The following GRM8 variants were observed in gnomAD, a reference collection of about 807,000 sequenced individuals.
GRM8 encodes metabotropic glutamate receptor 8.
GRM8 carries 47 observed loss-of-function variants against 87.2 expected under a neutral mutation model. That is an observed-to-expected ratio of 0.54 (90% CI 0.43 to 0.69). The LOEUF (loss-of-function observed/expected upper bound fraction) is 0.69. Ranked by LOEUF, GRM8 falls within the 30% of genes least tolerant of loss-of-function variation. GRM8 has a pLI of 0.00. For missense variants in GRM8, 1,019 were observed against 1,139.2 expected (o/e 0.89, Z 1.52); for synonymous variants, 396 against 404.5 (o/e 0.98, Z 0.25).
intron 2 of GRM8, among the ~76,000 whole-genome samples, chr7:127,202,910 C>T (rs1330603545): frequency 6.6e-6 from 1 of 152,212 alleles, no homozygotes; most frequent in East Asian, 1.9e-4. Context: ...CAAGAATCCT[C>T]ATCTTCCGAA....
chr7:127,047,727 C>T (rs1276809240), intron 3 of GRM8, among the ~76,000 whole-genome samples: 5 of 152,066 alleles, frequency 3.3e-5, no homozygotes, highest in Admixed American at 2.0e-4. Context: ...GCTACTGGAG[C>T]AGCTGAGGTA....
intron 9 of GRM8, among the ~76,000 whole-genome samples, chr7:126,508,333 T>C (rs981185081): frequency 7.9e-5 from 12 of 152,000 alleles, no homozygotes; most frequent in Admixed American, 7.9e-4. Context: ...AAAGAGCTGT[T>C]ATCTTGTAAA....
chr7:126,778,962 G>A (rs1037185208), intron 6 of GRM8, among the ~76,000 whole-genome samples: 5 of 151,932 alleles, frequency 3.3e-5, no homozygotes. Flanking sequence ...TTTGTATATT[G>A]GTGTGGCGTC....
At chr7:126,632,432 TG>T (rs34242830) in intron 7 of GRM8, among the ~76,000 whole-genome samples, 1 of 152,188 alleles carries the variant, frequency 6.6e-6, no homozygotes. Context: ...ACACTGTTGG[TG>T]GGAATGTAAA....
At chr7:126,947,184 C>G (rs536636181) in intron 3 of GRM8, among the ~76,000 whole-genome samples, 1 of 152,306 alleles carries the variant, frequency 6.6e-6, no homozygotes, top group South Asian at 2.1e-4. Flanking sequence ...AGACAACAAA[C>G]AACAAATTGT....
intron 8 of GRM8, among the ~76,000 whole-genome samples, chr7:126,599,429 A>G (rs1466027809): frequency 6.6e-6 from 1 of 152,114 alleles, no homozygotes; most frequent in East Asian, 1.9e-4. Context: ...GGCCTTGTAA[A>G]GATAACAGTG....
At chr7:126,452,841 C>T (rs900022858) in intron 9 of GRM8, among the ~76,000 whole-genome samples, 2 of 151,798 alleles carry the variant, frequency 1.3e-5, no homozygotes, top group East Asian at 2.0e-4. Context: ...CAGGCACTCA[C>T]ATTACTTCTA....
At chr7:127,187,924 C>T (rs372803809) in intron 2 of GRM8, among the ~76,000 whole-genome samples, 4 of 152,320 alleles carry the variant, frequency 2.6e-5, no homozygotes, top group South Asian at 4.1e-4. Flanking sequence ...TATCTCTGAT[C>T]TCATTATTCC....
chr7:127,096,453 G>A lies in GRM8; in HGVS notation c.727+10043C>T, dbSNP rs900951062. Among the ~76,000 whole-genome samples, 14 of 151,914 alleles carry A rather than the reference G, an allele frequency of 9.2e-5. No individual in the cohort carries two copies. The East Asian group carries it at 9.7e-4, about 11-fold the overall frequency. ...CATGCACCTGTAATTCCAGCTACTCGGGAGACTGAGGTAGGAGAATCGCTT... is the reference window on the plus strand; with the variant it reads ...CATGCACCTGTAATTCCAGCTACTCAGGAGACTGAGGTAGGAGAATCGCTT... On this transcript the variant is annotated intron_variant, in intron 3 of 10. Coordinates refer to ENST00000339582, the MANE Select transcript of GRM8 (RefSeq NM_000845.3).
At chr7:127,000,585 G>A (rs966058502) in intron 3 of GRM8, among the ~76,000 whole-genome samples, 6 of 151,438 alleles carry the variant, frequency 4.0e-5, no homozygotes, top group South Asian at 4.1e-4. Context: ...GGTGGCATAC[G>A]CCAGATGCAA....
chr7:126,719,885 G>C lies in GRM8; in HGVS notation c.1357+49980C>G, dbSNP rs149274708. On this transcript the variant is annotated intron_variant, in intron 7 of 10. Coordinates refer to ENST00000339582, the MANE Select transcript of GRM8 (RefSeq NM_000845.3). ...AAAAAAGAAATACAAGGTATTTACT[G>C]ATTTCTATAGCAAGTTCTATATTTT... is the stretch of plus-strand genomic sequence containing the variant. 2.1e-5 allele frequency among the ~76,000 whole-genome samples: 3 copies of C among 142,512 alleles called. No homozygotes were observed. The East Asian group carries it at 6.3e-4, about 30-fold the overall frequency. The allele number at this position is 142,512 out of a possible 152,430, so 93.5% of individuals were successfully genotyped here.
At chr7:127,079,865 C>T (rs754685632) in intron 3 of GRM8, among the ~76,000 whole-genome samples, 20 of 152,248 alleles carry the variant, frequency 1.3e-4, no homozygotes, top group South Asian at 4.2e-4. Flanking sequence ...CCCAAACCTC[C>T]GTCCCCATCC....
At chr7:126,763,316 A>C (rs571577822) in intron 7 of GRM8, among the ~76,000 whole-genome samples, 13 of 151,084 alleles carry the variant, frequency 8.6e-5, no homozygotes, top group South Asian at 8.3e-4. Context: ...TTCTAAAATA[A>C]ATTTCAAATG....
chr7:126,852,914 A>G (rs909424065), intron 6 of GRM8, among the ~76,000 whole-genome samples: 2 of 152,332 alleles, frequency 1.3e-5, no homozygotes, highest in Admixed American at 6.5e-5. Flanking sequence ...CATAATAATC[A>G]TAATAGATTA....
At chr7:127,234,422 C>A (rs1360922316) in intron 2 of GRM8, among the ~76,000 whole-genome samples, 1 of 152,196 alleles carries the variant, frequency 6.6e-6, no homozygotes, top group African/African-American at 2.4e-5. Flanking sequence ...AAAATGAACA[C>A]AATTAAAAAT....
intron 8 of GRM8, among the ~76,000 whole-genome samples, chr7:126,554,930 A>C (rs1585039446): frequency 6.6e-6 from 1 of 152,324 alleles, no homozygotes; most frequent in East Asian, 1.9e-4. Flanking sequence ...ATGTAAGAAG[A>C]AAAGAGTAAG....
intron 7 of GRM8, among the ~76,000 whole-genome samples, chr7:126,616,414 G>C (rs1416961277): frequency 6.6e-6 from 1 of 152,146 alleles, no homozygotes; most frequent in Non-Finnish European, 1.5e-5. Context: ...ATGCCCACAA[G>C]AGAAAGCAGG....
At chr7:126,627,741 T>G (rs1242418960) in intron 7 of GRM8, among the ~76,000 whole-genome samples, 1 of 152,202 alleles carries the variant, frequency 6.6e-6, no homozygotes, top group African/African-American at 2.4e-5. Flanking sequence ...ACTAATATTT[T>G]TATTATGAAT....
intron 2 of GRM8, among the ~76,000 whole-genome samples, chr7:127,132,445 G>C (rs17869424): frequency 6.6e-6 from 1 of 151,582 alleles, no homozygotes; most frequent in Non-Finnish European, 1.5e-5. Flanking sequence ...TATTTACTGA[G>C]TATCTGTCAC....
Sources: allele counts gnomAD v4.1 joint callset (sites outside exome capture counted in the v4.1 genomes callset), GRCh38; gene constraint gnomAD v4.1.1; transcripts MANE v1.5; gene names NCBI Gene and HGNC (gene_info 2026-07-23, HGNC 2026-07-21).